Variants in TSHR observed in about 807,000 individuals in gnomAD.
The protein encoded by TSHR is thyroid stimulating hormone receptor.
Under a neutral mutation model 64.1 loss-of-function variants are expected in TSHR, and 51 were observed. That is an observed-to-expected ratio of 0.80 (90% CI 0.64 to 1.01). The LOEUF (loss-of-function observed/expected upper bound fraction) is 1.01, where lower values mean the gene tolerates loss of function less well. Among genes scored for constraint, TSHR ranks in the 50% least tolerant of loss-of-function variants. The pLI is 0.00. For synonymous variants in TSHR, 361 were observed against 361.9 expected (o/e 1.00, Z 0.03); for missense variants, 877 against 942.8 (o/e 0.93, Z 0.91).
intron 6 of TSHR, among the ~76,000 whole-genome samples, chr14:81,094,041 T>C (rs761462045): frequency 7.9e-5 from 12 of 152,142 alleles, no homozygotes; most frequent in Non-Finnish European, 1.5e-4. Flanking sequence ...TAGAAACATC[T>C]GAGTGAGGGA....
intron 5 of TSHR, 77 bp downstream of exon 5, chr14:81,091,220 G>C (rs1313613607): frequency 2.3e-6 from 3 of 1,302,812 alleles, no homozygotes; most frequent in Non-Finnish European, 2.2e-6. Context: ...CATGAGGGTA[G>C]GTTGAAGATA....
intron 1 of TSHR, chr14:81,033,270 A>G: frequency 2.1e-6 from 1 of 475,328 alleles, no homozygotes; most frequent in East Asian, 6.2e-5. Flanking sequence ...ATCTTGTCCA[A>G]GAATACATCG....
chr14:81,087,917 T>G, intron 3 of TSHR, 37 bp from the exon 4 acceptor site: 1 of 1,359,862 alleles, frequency 7.4e-7, no homozygotes. Flanking sequence ...CAGATACGGA[T>G]GCATTATAGT....
chr14:80,979,612 T>C (rs1402321603), intron 1 of TSHR, among the ~76,000 whole-genome samples: 2 of 152,204 alleles, frequency 1.3e-5, no homozygotes, highest in African/African-American at 4.8e-5. Context: ...TATACATGTA[T>C]CAAAACAGCA....
At chr14:80,973,668 G>T (rs1418635480) in intron 1 of TSHR, among the ~76,000 whole-genome samples, 1 of 152,070 alleles carries the variant, frequency 6.6e-6, no homozygotes, top group Non-Finnish European at 1.5e-5. Flanking sequence ...TTCATGCAAA[G>T]GGCTTTTCTC....
chr14:80,957,809 T>TA, intron 1 of TSHR: 1 of 152,226 alleles, frequency 6.6e-6, no homozygotes, highest in East Asian at 1.9e-4. Context: ...TCCTTCTGGG[T>TA]AAAAGAGAAT....
At chr14:81,024,503 T>C (rs996568147) in intron 1 of TSHR, among the ~76,000 whole-genome samples, 1 of 152,172 alleles carries the variant, frequency 6.6e-6, no homozygotes, top group Non-Finnish European at 1.5e-5. Flanking sequence ...CACCTTGGCC[T>C]CCCAAAGTGC....
At chr14:80,983,632 C>A in intron 1 of TSHR, 1 of 882,312 alleles carries the variant, frequency 1.1e-6, no homozygotes, top group Non-Finnish European at 1.7e-6. Flanking sequence ...ATTATTGAAG[C>A]AATGTAAAAT....
Position 81,143,761 on chromosome 14 carries a change from T to A in TSHR, c.1703T>A (p.Ile568Asn), listed in dbSNP as rs149978216. The change falls in exon 10 of 10, where the codon ATC (isoleucine) becomes AAC (asparagine). Residue 568 changes from isoleucine to asparagine, a missense_variant. Transcript: ENST00000298171. ...VGISSYAKVS[I>N]CLPMDTETPL... ...ATAAGTAGCTATGCCAAAGTCAGTA[T>A]CTGCCTGCCCATGGACACCGAGACC... The A allele has an allele frequency of 1.0e-4, 165 of 1,614,078 alleles. No individual in the cohort carries two copies. The highest frequency in any genetic ancestry group is 1.3e-4 in the Admixed American group (8 of 60,000).
At chr14:80,960,153 A>C (rs7148019) in intron 1 of TSHR, among the ~76,000 whole-genome samples, 9,259 of 152,310 alleles carry the variant, frequency 0.061, 911 homozygotes, top group African/African-American at 0.21. Context: ...TGGAAAGACA[A>C]TAGAGAAAGG....
chr14:81,117,210 C>A (rs1292191558), intron 8 of TSHR, among the ~76,000 whole-genome samples: 2 of 105,396 alleles, frequency 1.9e-5, no homozygotes, highest in South Asian at 3.6e-4. Context: ...AATAGAGACA[C>A]AAAAAACCCT....
chr14:80,970,940 T>C (rs1029024766), intron 1 of TSHR, among the ~76,000 whole-genome samples: 2 of 152,156 alleles, frequency 1.3e-5, no homozygotes, highest in African/African-American at 4.8e-5. Context: ...GCCCAAGCAA[T>C]TACCCTGCCT....
At chr14:81,048,381 C>G (rs1254564363) in intron 1 of TSHR, among the ~76,000 whole-genome samples, 1 of 152,146 alleles carries the variant, frequency 6.6e-6, no homozygotes, top group Admixed American at 6.5e-5. Flanking sequence ...CACATTCTTC[C>G]TATATCTACA....
At chr14:81,080,086 A>G (rs962900673) in intron 3 of TSHR, among the ~76,000 whole-genome samples, 3 of 151,882 alleles carry the variant, frequency 2.0e-5, no homozygotes, top group African/African-American at 7.3e-5. Flanking sequence ...CCAAGTAGCT[A>G]GGACTACAGG....
rs1232509545 is a variant in TSHR at position 81,073,007 on chromosome 14, A to T, written c.317+4679A>T. ...GCGAGACTCCGTCTCAAAAAAAAAA[A>T]AAAATAAAAAATAAATATATATATA... is the stretch of plus-strand genomic sequence containing the variant. On this transcript the variant is annotated intron_variant, in intron 3 of 9. Transcript: ENST00000298171. Among the ~76,000 whole-genome samples, 2 of 71,980 alleles carry T rather than the reference A, an allele frequency of 2.8e-5. 1 individual carries two copies. Among genetic ancestry groups the T allele is most frequent in the African/African-American group, 1.1e-4 (2 of 17,418 alleles). 47.2% of individuals were successfully genotyped at this position (71,980 alleles called of 152,430 possible).
chr14:81,113,622 A>C (rs1330756317), intron 8 of TSHR, among the ~76,000 whole-genome samples: 1 of 152,228 alleles, frequency 6.6e-6, no homozygotes, highest in Non-Finnish European at 1.5e-5. Context: ...GAAAATATAA[A>C]TACATTAAAA....
chr14:81,013,420 T>C (rs1890024878), intron 1 of TSHR: 1 of 152,206 alleles, frequency 6.6e-6, no homozygotes, highest in African/African-American at 2.4e-5. Context: ...GACTTGGCAA[T>C]ACAAGGAAAG....
At chr14:81,021,540 C>A (rs1018743043) in intron 1 of TSHR, among the ~76,000 whole-genome samples, 3 of 152,156 alleles carry the variant, frequency 2.0e-5, no homozygotes, top group African/African-American at 7.2e-5. Flanking sequence ...AGAAGGAGAG[C>A]AAGGTGAAGT....
At chr14:81,108,304 G>C in intron 7 of TSHR, 71 bp from the exon 8 acceptor site, 12 of 1,204,944 alleles carry the variant, frequency 1.0e-5, no homozygotes, top group Non-Finnish European at 1.5e-5. Flanking sequence ...TCTGATATTT[G>C]TACTAATTTG....
Sources: gnomAD v4.1 joint callset for allele counts (sites outside exome capture counted in the v4.1 genomes callset) on GRCh38, gnomAD v4.1.1 for gene constraint, MANE v1.5 for transcripts, NCBI Gene and HGNC (gene_info 2026-07-23, HGNC 2026-07-21) for gene names.